The following EYA2 variants were observed in gnomAD, a reference collection of about 807,000 sequenced individuals.
The protein encoded by EYA2 is EYA transcriptional coactivator and phosphatase 2, also known as protein phosphatase EYA2.
EYA2 carries 31 observed loss-of-function variants against 69.2 expected under a neutral mutation model. That is an observed-to-expected ratio of 0.45 (90% CI 0.34 to 0.60). The LOEUF is 0.60. EYA2 is among the 20% of genes least tolerant of loss of function. The pLI, the probability that EYA2 is intolerant of heterozygous loss-of-function variation, is 0.02. For missense variants in EYA2, 622 were observed against 701.2 expected (o/e 0.89, Z 1.28); for synonymous variants, 257 against 279.4 (o/e 0.92, Z 0.80).
intron 7 of EYA2, among the ~76,000 whole-genome samples, chr20:47,088,370 T>C: frequency 6.6e-6 from 1 of 152,212 alleles, no homozygotes; most frequent in East Asian, 1.9e-4. Flanking sequence ...TGGAAGAGTG[T>C]AATGCTCAGC....
intron 2 of EYA2, among the ~76,000 whole-genome samples, chr20:47,000,312 A>AG (rs369784995): frequency 1.3e-5 from 2 of 152,212 alleles, no homozygotes; most frequent in Non-Finnish European, 1.5e-5. Context: ...CTCATTGCAC[A>AG]GGGGGGAGCC....
chr20:47,080,634 A>G (rs35527524), intron 7 of EYA2, among the ~76,000 whole-genome samples: 135,862 of 152,164 alleles, frequency 0.89, 61,704 homozygotes, highest in Non-Finnish European at 0.98. Flanking sequence ...TCTTCATGCT[A>G]CTGATAAAGA....
intron 1 of EYA2, among the ~76,000 whole-genome samples, chr20:46,989,243 C>A (rs1981489130): frequency 6.6e-6 from 1 of 152,016 alleles, no homozygotes; most frequent in Non-Finnish European, 1.5e-5. Flanking sequence ...GCCTTTTGAG[C>A]TTTTCTCCGT....
At chr20:47,004,802 T>C (rs1331023686) in intron 3 of EYA2, 140 bp from the exon 4 acceptor site, 5 of 1,121,592 alleles carry the variant, frequency 4.5e-6, no homozygotes, top group Admixed American at 3.7e-5. Context: ...GAAAATAAAA[T>C]GGGATTTGGT....
chr20:47,184,592 A>ATTT (rs11472093), intron 15 of EYA2, among the ~76,000 whole-genome samples: 7,527 of 145,842 alleles, frequency 0.052, 567 homozygotes, highest in East Asian at 0.18. Context: ...AATTTTTTGT[A>ATTT]TTTTTTTTTT....
chr20:46,921,634 T>C (rs1001992318), intron 1 of EYA2, among the ~76,000 whole-genome samples: 2 of 152,200 alleles, frequency 1.3e-5, no homozygotes, highest in African/African-American at 4.8e-5. Flanking sequence ...TGTTGAGGAA[T>C]GATGCCCTCT....
Position 47,091,476 on chromosome 20 carries a change from C to T in EYA2, c.804+2095C>T, listed in dbSNP as rs947046955. Reference sequence around the variant, plus strand: ...GTACCGGGCCCAGCACAGTGGCTCACGCCTATAACCTTACCACTTTCAGAG... The same window carrying T: ...GTACCGGGCCCAGCACAGTGGCTCATGCCTATAACCTTACCACTTTCAGAG... On this transcript the variant is annotated intron_variant, in intron 8 of 15. Coordinates refer to ENST00000327619, the MANE Select transcript of EYA2 (RefSeq NM_005244.5). Among the ~76,000 whole-genome samples the T allele has an allele frequency of 2.6e-5, 4 of 151,792 alleles. No homozygotes were observed. The East Asian group carries it at 5.8e-4, about 22-fold the overall frequency.
At chr20:46,980,589 T>G (rs867999129) in intron 1 of EYA2, among the ~76,000 whole-genome samples, 66 of 152,228 alleles carry the variant, frequency 4.3e-4, no homozygotes, top group Non-Finnish European at 8.8e-5. Flanking sequence ...TCCCCTTAGA[T>G]ATGTATCTTT....
intron 9 of EYA2, among the ~76,000 whole-genome samples, chr20:47,133,184 GC>G (rs1274289201): frequency 1.5e-5 from 2 of 136,778 alleles, no homozygotes; most frequent in East Asian, 4.7e-4. Context: ...TGTCAGGAAG[GC>G]TCTGCCTGTA....
intron 1 of EYA2, among the ~76,000 whole-genome samples, chr20:46,948,248 C>T (rs1345354395): frequency 6.6e-6 from 1 of 152,226 alleles, no homozygotes; most frequent in Admixed American, 6.5e-5. Flanking sequence ...CATACCATCT[C>T]TGTCACAACT....
At chr20:46,937,523 C>T (rs6063036) in intron 1 of EYA2, among the ~76,000 whole-genome samples, 4 of 152,172 alleles carry the variant, frequency 2.6e-5, no homozygotes, top group African/African-American at 9.7e-5. Context: ...CGGCGATTTT[C>T]TGCCTGGCAC....
chr20:46,987,263 A>G (rs77004958), intron 1 of EYA2, among the ~76,000 whole-genome samples: 2,488 of 152,290 alleles, frequency 0.016, 42 homozygotes, highest in African/African-American at 0.047. Context: ...AACTTTACCT[A>G]TGGACACTGA....
chr20:46,917,612 T>C (rs1442630009), intron 1 of EYA2, among the ~76,000 whole-genome samples: 1 of 152,184 alleles, frequency 6.6e-6, no homozygotes, highest in Non-Finnish European at 1.5e-5. Context: ...ATAAAGCCAA[T>C]ATCGCAGTAA....
At chr20:47,035,014 G>A (rs183369519) in intron 5 of EYA2, among the ~76,000 whole-genome samples, 3 of 152,260 alleles carry the variant, frequency 2.0e-5, no homozygotes, top group Admixed American at 6.5e-5. Flanking sequence ...GATTACATCT[G>A]CAAAAGACAC....
intron 1 of EYA2, among the ~76,000 whole-genome samples, chr20:46,912,460 A>G (rs1267393922): frequency 6.6e-6 from 1 of 152,184 alleles, no homozygotes; most frequent in Non-Finnish European, 1.5e-5. Flanking sequence ...ACACATATTT[A>G]TTGAACACTT....
chr20:46,988,427 G>A (rs1441169061), intron 1 of EYA2, among the ~76,000 whole-genome samples: 2 of 152,074 alleles, frequency 1.3e-5, no homozygotes, highest in Non-Finnish European at 2.9e-5. Flanking sequence ...TAGCACACTG[G>A]GATGTGAATT....
chr20:47,078,331 G>GCGCACACA (rs1474691098), intron 7 of EYA2, among the ~76,000 whole-genome samples: 4 of 123,734 alleles, frequency 3.2e-5, no homozygotes, highest in Non-Finnish European at 3.7e-5. Flanking sequence ...GCGCGCGCGC[G>GCGCACACA]CACACACACA....
intron 1 of EYA2, among the ~76,000 whole-genome samples, chr20:46,920,724 C>T (rs1231324705): frequency 6.6e-6 from 1 of 152,164 alleles, no homozygotes; most frequent in Non-Finnish European, 1.5e-5. Context: ...CATTCCAGGC[C>T]CCAGGGACAC....
chr20:46,985,696 T>G (rs1324405811), intron 1 of EYA2, among the ~76,000 whole-genome samples: 1 of 152,220 alleles, frequency 6.6e-6, no homozygotes, highest in Non-Finnish European at 1.5e-5. Flanking sequence ...GGAGCCCATA[T>G]GCCTTGACTT....
Sources: gnomAD v4.1 joint callset for allele counts (sites outside exome capture counted in the v4.1 genomes callset) on GRCh38, gnomAD v4.1.1 for gene constraint, MANE v1.5 for transcripts, NCBI Gene and HGNC (gene_info 2026-07-23, HGNC 2026-07-21) for gene names.